THAP4: variants seen among roughly 807,000 people sequenced by gnomAD.
THAP4 encodes THAP domain containing 4, also known as peroxynitrite isomerase THAP4.
A neutral mutation model predicts 48.1 loss-of-function variants in THAP4; 18 were observed. That is an observed-to-expected ratio of 0.37 (90% confidence interval 0.26 to 0.56). THAP4 has a LOEUF of 0.56. Among genes scored for constraint, THAP4 ranks in the 20% least tolerant of loss-of-function variants. THAP4 has a pLI of 0.78. For missense variants in THAP4, 656 were observed against 774.9 expected, an observed-to-expected ratio of 0.85 and a Z score of 1.82; for synonymous variants, 345 against 324.9, an observed-to-expected ratio of 1.06 and a Z score of -0.66.
chr2:241,630,634 C>T (rs577519640), intron 2 of THAP4, among the ~76,000 whole-genome samples: 2 of 152,224 alleles, frequency 1.3e-5, no homozygotes, highest in African/African-American at 4.8e-5. Context: ...ACAAAATTAG[C>T]TGGGTGTGGT....
In THAP4 at chr2:241,610,164, G is replaced by A. The variant is rs1009049504; in HGVS notation, c.1241-3691C>T. Reference sequence around the variant, plus strand: ...ACAGGGGCACCAGGGCCGCGGCGCCGGGCATGGCCTTCACACTCCCCACGA... The same window carrying A: ...ACAGGGGCACCAGGGCCGCGGCGCCAGGCATGGCCTTCACACTCCCCACGA... On this transcript the variant is annotated intron_variant, in intron 2 of 5. Coordinates refer to ENST00000407315, the MANE Select transcript of THAP4 (RefSeq NM_015963.6). The surrounding 1 kb of genome is among the most constrained non-coding windows in gnomAD (Gnocchi z 4.2). Among the ~76,000 whole-genome samples, 13 of 152,310 alleles carry A rather than the reference G, an allele frequency of 8.5e-5. No individual in the cohort carries two copies. Among genetic ancestry groups the A allele is most frequent in the African/African-American group, 2.4e-4 (10 of 41,582 alleles).
At chr2:241,619,968 G>A (rs1201163152) in intron 2 of THAP4, among the ~76,000 whole-genome samples, 1 of 110,474 alleles carries the variant, frequency 9.1e-6, no homozygotes, top group South Asian at 4.3e-4. Flanking sequence ...GGGGTGAGGG[G>A]TGAGTGAGTC....
At chr2:241,620,756 A>C (rs1280444915) in intron 2 of THAP4, among the ~76,000 whole-genome samples, 1 of 151,956 alleles carries the variant, frequency 6.6e-6, no homozygotes, top group Non-Finnish European at 1.5e-5. Context: ...CAGAGGCTAC[A>C]CTAAATCGAT....
rs149326263 is a variant in THAP4, at chr2:241,607,007, G to C, written c.1241-534C>G. The stretch of plus-strand genomic sequence containing the variant: ...GGGAGAAAATGAAAGGGGATGCAGG[G>C]TCTCGGAGCAGCCAGAGTGTGAGGG... On this transcript the variant is annotated intron_variant, in intron 2 of 5. Transcript: ENST00000407315. Among the ~76,000 whole-genome samples the C allele has an allele frequency of 9.7e-3, 1,479 of 152,256 alleles. 20 individuals are homozygous for C. The highest frequency in any genetic ancestry group is 0.034 in the African/African-American group (1,412 of 41,550).
intron 2 of THAP4, among the ~76,000 whole-genome samples, chr2:241,624,939 C>T (rs1223129098): frequency 6.6e-6 from 1 of 152,164 alleles, no homozygotes; most frequent in Non-Finnish European, 1.5e-5. Context: ...GTTTTAGGAG[C>T]TCTGGGCCAT....
Position 241,624,283 on chromosome 2 carries a change from C to T in THAP4, c.1240+8634G>A, listed in dbSNP as rs534155150. On this transcript the variant is annotated intron_variant, in intron 2 of 5. Coordinates refer to ENST00000407315, the MANE Select transcript of THAP4 (RefSeq NM_015963.6). ...CGGGCAGATCACGAGGTCAGGAGAT[C>T]GAGACCATCCTGGCTAACAAGGTGA... Among the ~76,000 whole-genome samples the T allele has an allele frequency of 6.6e-5, 10 of 152,218 alleles. No homozygotes were observed. In the South Asian group the frequency reaches 8.3e-4, roughly 13 times the overall value.
chr2:241,595,920 C>T (rs577227871), intron 5 of THAP4, among the ~76,000 whole-genome samples: 1 of 152,302 alleles, frequency 6.6e-6, no homozygotes, highest in Admixed American at 6.5e-5. Flanking sequence ...CTAGTTGGGA[C>T]ATTTCACTCC....
At position 241,606,463 on chromosome 2, in the gene THAP4, C is replaced by A; in HGVS notation, c.1251G>T (p.Lys417Asn). 1 of 1,604,570 alleles carries A rather than the reference C, an allele frequency of 6.2e-7. No homozygotes were observed. Among genetic ancestry groups the A allele is most frequent in the Non-Finnish European group, 8.5e-7 (1 of 1,175,316 alleles). ...ACAGTGGCTCCACCACTGGGTTCATCTTGGGGGGCTCTGAGGACAAAAGAA... is the reference window on the plus strand; with the variant it reads ...ACAGTGGCTCCACCACTGGGTTCATATTGGGGGGCTCTGAGGACAAAAGAA... ...SLLSPSREPP[K>N]MNPVVEPLSW... The change falls in exon 3 of 6, where the codon AAG becomes AAT. Residue 417 changes from lysine to asparagine, a missense_variant. Physicochemically the swap from Lys to Asn is moderately conservative, Grantham distance 94. Transcript: ENST00000407315.
chr2:241,617,368 T>G (rs1479155463), intron 2 of THAP4: 18 of 1,378,970 alleles, frequency 1.3e-5, no homozygotes, highest in African/African-American at 2.9e-5. Context: ...TGCAAGAAAT[T>G]TAAATTTTCA....
intron 5 of THAP4, among the ~76,000 whole-genome samples, chr2:241,597,278 C>T (rs1271646967): frequency 4.6e-5 from 7 of 152,124 alleles, no homozygotes; most frequent in Non-Finnish European, 2.9e-5. Context: ...GGATTACAAG[C>T]GCCCGCCATC....
At chr2:241,620,200 A>G (rs199903128) in intron 2 of THAP4, among the ~76,000 whole-genome samples, 28 of 6,992 alleles carry the variant, frequency 4.0e-3, no homozygotes, top group Admixed American at 4.5e-3. Flanking sequence ...AGGGGTGAGG[A>G]GTGAGTGAGG....
intron 1 of THAP4, among the ~76,000 whole-genome samples, chr2:241,634,889 G>A (rs1165007335): frequency 1.3e-5 from 2 of 152,176 alleles, no homozygotes; most frequent in Non-Finnish European, 2.9e-5. Context: ...AAATAGGGCA[G>A]GTGCAAAAAA....
intron 5 of THAP4, among the ~76,000 whole-genome samples, chr2:241,585,912 C>CAAGAAAAAA (rs2066888178): frequency 3.5e-5 from 1 of 28,292 alleles, no homozygotes; most frequent in Non-Finnish European, 7.2e-5. Flanking sequence ...GACTCCTTCT[C>CAAGAAAAAA]AAAAAAAAAA....
intron 2 of THAP4, among the ~76,000 whole-genome samples, chr2:241,613,746 C>A (rs943007276): frequency 6.6e-6 from 1 of 152,002 alleles, no homozygotes; most frequent in Non-Finnish European, 1.5e-5. Context: ...CAGAGCGAGA[C>A]CCTGTCTCAG....
intron 5 of THAP4, chr2:241,592,340 G>A (rs2066993502): frequency 6.6e-6 from 1 of 152,544 alleles, no homozygotes; most frequent in Non-Finnish European, 1.5e-5. Flanking sequence ...GTGCAGGTCA[G>A]CGGGAGCCTG....
At chr2:241,607,778 G>A (rs1346306946) in intron 2 of THAP4, among the ~76,000 whole-genome samples, 13 of 131,210 alleles carry the variant, frequency 9.9e-5, no homozygotes, top group Non-Finnish European at 1.8e-4. Context: ...ACGGACTGAC[G>A]GGGACAGGAT....
rs188780816 is a variant in THAP4 at position 241,617,992 on chromosome 2, C to T, written c.1241-11519G>A. Among the ~76,000 whole-genome samples the T allele has an allele frequency of 8.5e-5, 13 of 152,350 alleles. No individual in the cohort carries two copies. The East Asian group carries it at 1.7e-3, about 20-fold the overall frequency. On this transcript the variant is annotated intron_variant, in intron 2 of 5. Transcript: ENST00000407315. Reference sequence around the variant, plus strand: ...CTCCTTCCTGGAGCTCCCACCCTCACATCTCTTTGTGTTAGTGACACGTTG... The same window carrying T: ...CTCCTTCCTGGAGCTCCCACCCTCATATCTCTTTGTGTTAGTGACACGTTG...
In THAP4 at chr2:241,584,966, T is replaced by C. The variant is rs557152712; in HGVS notation, c.1615-241A>G. 38 of 519,162 alleles carry C rather than the reference T, an allele frequency of 7.3e-5. No individual in the cohort carries two copies. In the South Asian group the frequency reaches 7.8e-4, roughly 11 times the overall value. The allele number at this position is 519,162 out of a possible 1,614,324, so 32.2% of individuals were successfully genotyped here. ...ATTGTTTATTTAGAAGTCACCTTTTTTGTCGACGGCCATACCACCCTGAAC... is the reference window on the plus strand; with the variant it reads ...ATTGTTTATTTAGAAGTCACCTTTTCTGTCGACGGCCATACCACCCTGAAC... On this transcript the variant is annotated intron_variant, in intron 5 of 5. Coordinates refer to ENST00000407315, the MANE Select transcript of THAP4 (RefSeq NM_015963.6).
chr2:241,585,968 C>A (rs1214086406), intron 5 of THAP4, among the ~76,000 whole-genome samples: 1 of 146,186 alleles, frequency 6.8e-6, no homozygotes, highest in African/African-American at 2.5e-5. Context: ...AAAAAAAGCA[C>A]CCTGAGGTTG....
Sources: gnomAD v4.1 joint callset for allele counts (sites outside exome capture counted in the v4.1 genomes callset) on GRCh38, gnomAD v4.1.1 for gene constraint, Gnocchi (gnomAD v3.1) non-coding constraint, MANE v1.5 for transcripts, NCBI Gene and HGNC (gene_info 2026-07-23, HGNC 2026-07-21) for gene names.